Variants in AFAP1L2 observed in about 807,000 individuals in gnomAD.
AFAP1L2 encodes the protein actin filament associated protein 1 like 2, also known as actin filament-associated protein 1-like 2.
A neutral mutation model predicts 99.3 loss-of-function variants in AFAP1L2; 46 were observed. The observed-to-expected ratio is 0.46, with a 90% confidence interval of 0.37 to 0.59. The LOEUF (loss-of-function observed/expected upper bound fraction) is 0.59. Ranked by LOEUF, AFAP1L2 falls within the 20% of genes least tolerant of loss-of-function variation. The pLI is 0.00. For synonymous variants in AFAP1L2, 397 were observed against 419.1 expected (o/e 0.95, Z 0.64); for missense variants, 959 against 1,034.9 (o/e 0.93, Z 1.01).
At chr10:114,319,719 C>T (rs951415024) in intron 5 of AFAP1L2, 1 of 1,119,538 alleles carries the variant, frequency 8.9e-7, no homozygotes, top group African/African-American at 1.6e-5. Context: ...CGCCCAAGTG[C>T]AGAGACACAA....
intron 1 of AFAP1L2, among the ~76,000 whole-genome samples, chr10:114,371,749 T>C (rs2054136700): frequency 6.6e-6 from 1 of 151,566 alleles, no homozygotes; most frequent in East Asian, 2.0e-4. Context: ...CCATGGCACG[T>C]GTATACCTAT....
the AFAP1L2 span, chr10:114,281,043 C>T: frequency 6.6e-6 from 1 of 152,254 alleles, no homozygotes; most frequent in Non-Finnish European, 1.5e-5. Flanking sequence ...CCTTGGCAAC[C>T]TTTATTTCAG....
At chr10:114,285,092 C>A in the AFAP1L2 span, 2 of 690,514 alleles carry the variant, frequency 2.9e-6, no homozygotes, top group South Asian at 2.2e-5. Flanking sequence ...ATCTGCTTTC[C>A]AATGCACCAC....
chr10:114,345,661 T>C (rs1300118496), intron 1 of AFAP1L2, among the ~76,000 whole-genome samples: 2 of 152,196 alleles, frequency 1.3e-5, no homozygotes, highest in African/African-American at 4.8e-5. Flanking sequence ...AATCCAAGCA[T>C]ATCCAAGTTC....
At chr10:114,281,478 A>G in the AFAP1L2 span, among the ~76,000 whole-genome samples, 1,859 of 152,336 alleles carry the variant, frequency 0.012, 37 homozygotes, top group African/African-American at 0.042. Context: ...CCATTTCCCT[A>G]TCTGGAACAT....
At chr10:114,371,077 C>G (rs910396080) in intron 1 of AFAP1L2, among the ~76,000 whole-genome samples, 19 of 152,256 alleles carry the variant, frequency 1.2e-4, no homozygotes, top group Admixed American at 1.0e-3. Flanking sequence ...AGGCTGGTGT[C>G]CACTGGGCCA....
At chr10:114,368,023 T>G (rs1157077967) in intron 1 of AFAP1L2, among the ~76,000 whole-genome samples, 1 of 152,140 alleles carries the variant, frequency 6.6e-6, no homozygotes, top group Non-Finnish European at 1.5e-5. Flanking sequence ...AAAAGTGAGT[T>G]GGTGCAGCAC....
chr10:114,307,681 C>T (rs1415679892), intron 10 of AFAP1L2, 124 bp downstream of exon 10: 17 of 752,364 alleles, frequency 2.3e-5, no homozygotes, highest in Middle Eastern at 3.7e-4. Flanking sequence ...GCTGCAGGCT[C>T]TCCATTCCTA....
intron 3 of AFAP1L2, among the ~76,000 whole-genome samples, 187 bp from the exon 4 acceptor site, chr10:114,332,084 C>T (rs1419877191): frequency 6.6e-6 from 1 of 152,120 alleles, no homozygotes; most frequent in Non-Finnish European, 1.5e-5. Flanking sequence ...GCAGGAGTGC[C>T]CCAGACATGT....
downstream of AFAP1L2, chr10:114,294,711 G>T: frequency 1.5e-6 from 1 of 668,510 alleles, no homozygotes; most frequent in Non-Finnish European, 1.8e-6. Flanking sequence ...CAAGGAGGCT[G>T]AGTTTCCTGC....
At chr10:114,310,892 G>A (rs1243030810) in intron 7 of AFAP1L2, among the ~76,000 whole-genome samples, 1 of 152,176 alleles carries the variant, frequency 6.6e-6, no homozygotes, top group African/African-American at 2.4e-5. Flanking sequence ...CGCTGCCTGA[G>A]GAGCAGGCCT....
intron 1 of AFAP1L2, among the ~76,000 whole-genome samples, chr10:114,403,806 A>T (rs1283133870): frequency 2.0e-5 from 3 of 152,194 alleles, no homozygotes; most frequent in African/African-American, 7.2e-5. Context: ...GGACGCCTCC[A>T]GGAGCTCCAC....
At chr10:114,287,169 A>G in the AFAP1L2 span, among the ~76,000 whole-genome samples, 1 of 152,204 alleles carries the variant, frequency 6.6e-6, no homozygotes. Flanking sequence ...CCAGAGATGT[A>G]GTAGCTGAAA....
At chr10:114,400,822 G>A (rs547524754) in intron 1 of AFAP1L2, among the ~76,000 whole-genome samples, 16 of 152,242 alleles carry the variant, frequency 1.1e-4, no homozygotes, top group South Asian at 6.2e-4. Flanking sequence ...CTTGGGTGGG[G>A]CCTTTACATC....
intron 1 of AFAP1L2, among the ~76,000 whole-genome samples, chr10:114,372,638 A>AAT (rs975897817): frequency 6.6e-6 from 1 of 151,516 alleles, no homozygotes; most frequent in Non-Finnish European, 1.5e-5. Context: ...ATACATATAT[A>AAT]ATATATATAC....
rs747164722 is a variant in AFAP1L2, at chr10:114,307,815, G to A, written c.1062C>T (p.Leu354=). 7.4e-6 allele frequency: 12 copies of A among 1,613,716 alleles called. No individual in the cohort carries two copies. The highest frequency in any genetic ancestry group is 2.2e-5 in the East Asian group (1 of 44,862). Residue 354 remains leucine (L), a synonymous_variant, in exon 10 of 19, where the codon CTC becomes CTT. Transcript: ENST00000304129. ...AGCTACAATTCTTACTGGATGTCTC[G>A]AGGGACCTCTCCACAGGCTCCAGTG... is the stretch of plus-strand genomic sequence containing the variant. The part of the protein sequence containing the change: ...STSLEPVERS[L]ETSSYLNVLV...
At chr10:114,286,615 G>GCA in the AFAP1L2 span, 1 of 1,007,810 alleles carries the variant, frequency 9.9e-7, no homozygotes, top group Non-Finnish European at 1.4e-6. Context: ...TCTTCTAGGG[G>GCA]CTGAAACCAC....
chr10:114,347,557 C>T (rs2049792987), intron 1 of AFAP1L2, among the ~76,000 whole-genome samples: 1 of 151,976 alleles, frequency 6.6e-6, no homozygotes, highest in African/African-American at 2.4e-5. Flanking sequence ...CTCACTGCAC[C>T]CTTGACCTCC....
At chr10:114,373,402 G>A (rs938363401) in intron 1 of AFAP1L2, among the ~76,000 whole-genome samples, 30 of 152,186 alleles carry the variant, frequency 2.0e-4, no homozygotes, top group African/African-American at 7.0e-4. Flanking sequence ...GAGGTGGGCA[G>A]ATCACCTGAG....
Sources: gnomAD v4.1 joint callset for allele counts (sites outside exome capture counted in the v4.1 genomes callset) on GRCh38, gnomAD v4.1.1 for gene constraint, MANE v1.5 for transcripts, NCBI Gene and HGNC (gene_info 2026-07-23, HGNC 2026-07-21) for gene names.